Variants in NLGN1 observed in about 807,000 individuals in gnomAD.
NLGN1 encodes neuroligin 1, also known as neuroligin-1.
NLGN1 carries 12 observed loss-of-function variants against 65.5 expected under a neutral mutation model. That is an observed-to-expected ratio of 0.18 (90% confidence interval 0.12 to 0.30). The LOEUF (loss-of-function observed/expected upper bound fraction) is 0.30. Among genes scored for constraint, NLGN1 ranks in the 10% least tolerant of loss-of-function variants. The pLI, the probability that NLGN1 is intolerant of heterozygous loss-of-function variation, is 1.00. For missense variants in NLGN1, 750 were observed against 1,007.1 expected (o/e 0.74, Z 3.46); for synonymous variants, 350 against 359.5 (o/e 0.97, Z 0.30).
chr3:173,477,999 T>C (rs1188710618), intron 2 of NLGN1, among the ~76,000 whole-genome samples: 1 of 152,148 alleles, frequency 6.6e-6, no homozygotes, highest in African/African-American at 2.4e-5. Flanking sequence ...GCGTGGCAAT[T>C]CCTCAAAGAT....
At chr3:173,997,516 A>C (rs1310666887) in intron 4 of NLGN1, among the ~76,000 whole-genome samples, 2 of 152,178 alleles carry the variant, frequency 1.3e-5, no homozygotes, top group Admixed American at 1.3e-4. Flanking sequence ...CATAGTCCCT[A>C]GTCCTGTTTG....
At chr3:173,423,774 G>A (rs1270934842) in intron 1 of NLGN1, among the ~76,000 whole-genome samples, 1 of 152,188 alleles carries the variant, frequency 6.6e-6, no homozygotes, top group Non-Finnish European at 1.5e-5. Context: ...GGTGGATAAT[G>A]CAAGCTGTTG....
chr3:174,204,998 G>A (rs995388946), intron 4 of NLGN1, among the ~76,000 whole-genome samples: 1 of 152,120 alleles, frequency 6.6e-6, no homozygotes, highest in Admixed American at 6.5e-5. Context: ...CTAGTCACAT[G>A]ATCACAGGAT....
chr3:173,944,141 GT>G, intron 4 of NLGN1, among the ~76,000 whole-genome samples: 1 of 151,832 alleles, frequency 6.6e-6, no homozygotes, highest in South Asian at 2.1e-4. Flanking sequence ...GTGTGTGTGT[GT>G]GTGTGTGTGT....
chr3:174,235,590 CAG>C (rs973751196), intron 4 of NLGN1, among the ~76,000 whole-genome samples: 33 of 152,118 alleles, frequency 2.2e-4, no homozygotes, highest in African/African-American at 8.0e-4. Context: ...AAAAGTAAAA[CAG>C]AGGATCTGTT....
chr3:173,460,714 G>A (rs531550734), intron 2 of NLGN1, among the ~76,000 whole-genome samples: 1 of 152,114 alleles, frequency 6.6e-6, no homozygotes, highest in Non-Finnish European at 1.5e-5. Flanking sequence ...GGCCCAGAAA[G>A]AAGTTGGGTC....
intron 4 of NLGN1, among the ~76,000 whole-genome samples, chr3:173,837,632 C>T (rs1489939965): frequency 6.6e-6 from 1 of 152,172 alleles, no homozygotes; most frequent in East Asian, 1.9e-4. Context: ...GCATTCCAAT[C>T]CTAATTCCAC....
intron 4 of NLGN1, among the ~76,000 whole-genome samples, chr3:174,262,086 C>T (rs1289836618): frequency 2.4e-5 from 3 of 125,416 alleles, no homozygotes; most frequent in Non-Finnish European, 4.9e-5. Flanking sequence ...TTCGTTTTGC[C>T]AGTATTTTAT....
intron 4 of NLGN1, among the ~76,000 whole-genome samples, chr3:173,894,786 GGCCACCAC>G (rs1736038384): frequency 6.6e-6 from 1 of 151,472 alleles, no homozygotes. Flanking sequence ...TATAGGTGTG[GGCCACCAC>G]GCCTGGCTAA....
intron 4 of NLGN1, among the ~76,000 whole-genome samples, chr3:173,957,773 C>T (rs1269690690): frequency 6.6e-6 from 1 of 152,188 alleles, no homozygotes; most frequent in Non-Finnish European, 1.5e-5. Flanking sequence ...CTTCACCAGC[C>T]AGAAACCTCC....
chr3:173,517,796 A>G (rs553519114), intron 2 of NLGN1, among the ~76,000 whole-genome samples: 1 of 151,350 alleles, frequency 6.6e-6, no homozygotes, highest in Non-Finnish European at 1.5e-5. Context: ...CTATCTATCT[A>G]TCTATCATAT....
intron 4 of NLGN1, among the ~76,000 whole-genome samples, chr3:174,078,929 C>A (rs1230080914): frequency 6.6e-6 from 1 of 152,128 alleles, no homozygotes; most frequent in Non-Finnish European, 1.5e-5. Flanking sequence ...TTAATACTAG[C>A]TGCATTTCTA....
At chr3:174,042,341 CGTTTCATATTTTACA>C (rs1732523640) in intron 4 of NLGN1, among the ~76,000 whole-genome samples, 1 of 151,990 alleles carries the variant, frequency 6.6e-6, no homozygotes, top group African/African-American at 2.4e-5. Context: ...AAATATTTAG[CGTTTCATATTTTACA>C]GTTGGGTCAA....
At chr3:173,584,963 G>C (rs566889826) in intron 2 of NLGN1, 1 of 152,276 alleles carries the variant, frequency 6.6e-6, no homozygotes, top group Non-Finnish European at 1.5e-5. Context: ...TGTAGAGACC[G>C]TCTCCTTGAA....
intron 4 of NLGN1, among the ~76,000 whole-genome samples, chr3:174,108,119 A>C (rs945765527): frequency 1.3e-5 from 2 of 152,110 alleles, no homozygotes; most frequent in Admixed American, 1.3e-4. Context: ...TGCATCTTTC[A>C]CAGAGCAATT....
At chr3:173,810,177 A>G (rs1717574971) in intron 4 of NLGN1, among the ~76,000 whole-genome samples, 1 of 152,236 alleles carries the variant, frequency 6.6e-6, no homozygotes, top group Non-Finnish European at 1.5e-5. Flanking sequence ...AAATTAATTC[A>G]TAAAAAAGAA....
intron 2 of NLGN1, among the ~76,000 whole-genome samples, chr3:173,559,644 G>A (rs572398494): frequency 3.5e-4 from 54 of 152,226 alleles, no homozygotes; most frequent in South Asian, 1.2e-3. Context: ...CCACCAGCAA[G>A]TAAATACTTT....
At chr3:173,849,284 C>T (rs1726428617) in intron 4 of NLGN1, among the ~76,000 whole-genome samples, 1 of 151,906 alleles carries the variant, frequency 6.6e-6, no homozygotes, top group Non-Finnish European at 1.5e-5. Context: ...AATTTTAATT[C>T]ATATTGGTTA....
At chr3:174,148,585 G>A (rs546195267) in intron 4 of NLGN1, among the ~76,000 whole-genome samples, 17 of 151,942 alleles carry the variant, frequency 1.1e-4, no homozygotes, top group South Asian at 2.1e-4. Context: ...GCACTTAATC[G>A]TCTCCTCCTA....
Sources: allele counts gnomAD v4.1 joint callset (sites outside exome capture counted in the v4.1 genomes callset), GRCh38; gene constraint gnomAD v4.1.1; transcripts MANE v1.5; gene names NCBI Gene and HGNC (gene_info 2026-07-23, HGNC 2026-07-21).